The following RNF150 variants were observed in gnomAD, a reference collection of about 807,000 sequenced individuals.
RNF150 encodes the protein ring finger protein 150.
In RNF150, 24 loss-of-function variants were observed where a neutral mutation model predicts 39.3. The observed-to-expected ratio is 0.61, with a 90% CI of 0.44 to 0.86. The LOEUF (loss-of-function observed/expected upper bound fraction) is 0.86. Among genes scored for constraint, RNF150 ranks in the 40% least tolerant of loss-of-function variants. The pLI, the probability that RNF150 is intolerant of heterozygous loss-of-function variation, is 0.00. For missense variants in RNF150, 502 were observed against 587.8 expected, an observed-to-expected ratio of 0.85 and a Z score of 1.51; for synonymous variants, 255 against 227.3, an observed-to-expected ratio of 1.12 and a Z score of -1.10.
chr4:141,116,963 G>C (rs965076691), intron 1 of RNF150, among the ~76,000 whole-genome samples: 22 of 152,038 alleles, frequency 1.4e-4, no homozygotes, highest in African/African-American at 4.8e-4. Context: ...AACACAGGAA[G>C]GGGAACATCA....
intron 5 of RNF150, 144 bp downstream of exon 5, chr4:140,925,833 A>T: frequency 1.6e-6 from 1 of 628,716 alleles, no homozygotes; most frequent in East Asian, 2.7e-5. Context: ...CAGACATAGG[A>T]GTTCTCTTGG....
intron 2 of RNF150, among the ~76,000 whole-genome samples, chr4:140,966,909 G>T (rs990565596): frequency 1.3e-5 from 2 of 152,142 alleles, no homozygotes; most frequent in South Asian, 4.1e-4. Flanking sequence ...AAACATGTCC[G>T]TTAATAGGTG....
intron 1 of RNF150, among the ~76,000 whole-genome samples, chr4:140,979,688 T>A (rs13125115): frequency 1.3e-5 from 2 of 151,730 alleles, no homozygotes; most frequent in Admixed American, 6.6e-5. Context: ...GATGAGCTTA[T>A]GGACAACTGA....
intron 1 of RNF150, among the ~76,000 whole-genome samples, chr4:141,071,730 AC>A (rs1223414259): frequency 6.6e-6 from 1 of 152,146 alleles, no homozygotes; most frequent in African/African-American, 2.4e-5. Context: ...CTACCTACAC[AC>A]TTTTGGGAAG....
chr4:140,912,836 T>C (rs1730657618), intron 5 of RNF150, among the ~76,000 whole-genome samples: 1 of 152,144 alleles, frequency 6.6e-6, no homozygotes, highest in Admixed American at 6.5e-5. Flanking sequence ...TTTACTAAAT[T>C]TACTCATTGA....
At position 141,031,163 on chromosome 4, in the gene RNF150, A is replaced by C. The variant is rs1025850469; in HGVS notation, c.485-63290T>G. On this transcript the variant is annotated intron_variant, in intron 1 of 6. Transcript: ENST00000515673. Reference sequence around the variant, plus strand: ...GCCAAGAACATACAATAGAAAAAGGATAGTCTCTTCAATAAATGATGCTGG... The same window carrying C: ...GCCAAGAACATACAATAGAAAAAGGCTAGTCTCTTCAATAAATGATGCTGG... Among the ~76,000 whole-genome samples, 8 of 151,970 alleles carry C rather than the reference A, an allele frequency of 5.3e-5. No individual in the cohort carries two copies. In the East Asian group the frequency reaches 1.6e-3, roughly 29 times the overall value.
intron 1 of RNF150, among the ~76,000 whole-genome samples, chr4:141,173,229 T>C (rs1045198197): frequency 2.6e-5 from 4 of 152,208 alleles, no homozygotes; most frequent in Non-Finnish European, 5.9e-5. Context: ...TATTAGTTAA[T>C]CCTTGATGCC....
intron 1 of RNF150, among the ~76,000 whole-genome samples, chr4:141,199,208 A>G (rs1159741765): frequency 6.6e-6 from 1 of 152,138 alleles, no homozygotes; most frequent in African/African-American, 2.4e-5. Context: ...AAAAACACAA[A>G]CCAACAATAC....
chr4:141,182,973 C>T (rs544092536), intron 1 of RNF150, among the ~76,000 whole-genome samples: 160 of 152,034 alleles, frequency 1.1e-3, no homozygotes, highest in African/African-American at 3.8e-3. Flanking sequence ...GTACTGGTAC[C>T]AAAACAGAGA....
At chr4:141,012,781 C>CA (rs397995597) in intron 1 of RNF150, among the ~76,000 whole-genome samples, 12,525 of 71,196 alleles carry the variant, frequency 0.18, 1,418 homozygotes, top group Middle Eastern at 0.21. Context: ...GACTCTGTCT[C>CA]AAAAAAAAAA....
intron 1 of RNF150, among the ~76,000 whole-genome samples, chr4:141,198,649 A>C (rs1184175936): frequency 6.6e-6 from 1 of 152,230 alleles, no homozygotes; most frequent in Non-Finnish European, 1.5e-5. Flanking sequence ...TACTTCAGGA[A>C]GGTTTTGGGG....
rs547139142 is a variant in RNF150 at position 140,957,788 on chromosome 4, A to G, written c.736-8416T>C. Among the ~76,000 whole-genome samples, 616 of 151,938 alleles carry G rather than the reference A, an allele frequency of 4.1e-3. 3 individuals are homozygous for G. The highest frequency in any genetic ancestry group is 0.013 in the African/African-American group (559 of 41,422). ...AATTGGAAATCATCATTCTCAGTAA[A>G]CTATCACAAGAACAAAAAACCAAAC... On this transcript the variant is annotated intron_variant, in intron 2 of 6. Coordinates refer to ENST00000515673, the MANE Select transcript of RNF150 (RefSeq NM_020724.2).
chr4:140,938,700 G>A (rs1405657811), intron 4 of RNF150, among the ~76,000 whole-genome samples: 1 of 152,154 alleles, frequency 6.6e-6, no homozygotes, highest in Admixed American at 6.6e-5. Context: ...CTGAGCCTTA[G>A]AGTCTGTGCT....
chr4:140,912,615 G>C (rs1560962050), intron 5 of RNF150, among the ~76,000 whole-genome samples: 1 of 152,232 alleles, frequency 6.6e-6, no homozygotes, highest in Non-Finnish European at 1.5e-5. Flanking sequence ...TGTGCTCTTA[G>C]CTGTATAATG....
intron 1 of RNF150, among the ~76,000 whole-genome samples, chr4:141,096,101 T>C (rs759941695): frequency 6.6e-6 from 1 of 152,038 alleles, no homozygotes; most frequent in East Asian, 1.9e-4. Flanking sequence ...TTATTTGATA[T>C]GCTGCTGTTT....
chr4:141,040,761 T>C (rs1356115799), intron 1 of RNF150, among the ~76,000 whole-genome samples: 2 of 152,140 alleles, frequency 1.3e-5, no homozygotes, highest in African/African-American at 4.8e-5. Flanking sequence ...CTATTACAAC[T>C]ACAGCAATCC....
chr4:141,119,411 G>T (rs1726542890), intron 1 of RNF150, among the ~76,000 whole-genome samples: 1 of 152,144 alleles, frequency 6.6e-6, no homozygotes, highest in Non-Finnish European at 1.5e-5. Context: ...CACAGTCAGG[G>T]CCCCTTGAGG....
At chr4:141,099,729 G>C (rs1193148171) in intron 1 of RNF150, among the ~76,000 whole-genome samples, 1 of 152,054 alleles carries the variant, frequency 6.6e-6, no homozygotes, top group Non-Finnish European at 1.5e-5. Flanking sequence ...GGTTAGACCA[G>C]GGAGTGATTT....
At chr4:140,919,443 C>T (rs966110729) in intron 5 of RNF150, among the ~76,000 whole-genome samples, 13 of 144,350 alleles carry the variant, frequency 9.0e-5, no homozygotes, top group Non-Finnish European at 2.0e-4. Context: ...ACAATTGCTT[C>T]AAAGAGAATA....
Sources: allele counts gnomAD v4.1 joint callset (sites outside exome capture counted in the v4.1 genomes callset), GRCh38; gene constraint gnomAD v4.1.1; transcripts MANE v1.5; gene names NCBI Gene and HGNC (gene_info 2026-07-23, HGNC 2026-07-21).